Variants in MAP3K5 observed in about 807,000 individuals in gnomAD.
MAP3K5 encodes mitogen-activated protein kinase kinase kinase 5.
A neutral mutation model predicts 158.7 loss-of-function variants in MAP3K5; 56 were observed. The observed-to-expected ratio is 0.35, with a 90% CI of 0.28 to 0.44. The LOEUF is 0.44. Ranked by LOEUF, MAP3K5 falls within the 20% of genes least tolerant of loss-of-function variation. The pLI, the probability that MAP3K5 is intolerant of heterozygous loss-of-function variation, is 1.00. For missense variants in MAP3K5, 1,294 were observed against 1,674.8 expected (o/e 0.77, Z 3.97); for synonymous variants, 579 against 601.7 (o/e 0.96, Z 0.55).
chr6:136,731,933 TA>T (rs567523066), intron 1 of MAP3K5, among the ~76,000 whole-genome samples: 130 of 152,306 alleles, frequency 8.5e-4, no homozygotes, highest in African/African-American at 3.0e-3. Flanking sequence ...TAGAATGGTG[TA>T]CTTGAACATT....
intron 25 of MAP3K5, among the ~76,000 whole-genome samples, chr6:136,568,598 G>A (rs1380260337): frequency 6.6e-6 from 1 of 152,118 alleles, no homozygotes; most frequent in Non-Finnish European, 1.5e-5. Context: ...ATTGTGGCTG[G>A]GCACAGTGGC....
chr6:136,660,321 G>A (rs1368892278), intron 8 of MAP3K5, among the ~76,000 whole-genome samples: 1 of 152,142 alleles, frequency 6.6e-6, no homozygotes, highest in South Asian at 2.1e-4. Context: ...GAGGGCCGAG[G>A]TGGGAGGATT....
intron 23 of MAP3K5, among the ~76,000 whole-genome samples, chr6:136,587,750 C>T (rs1011408710): frequency 6.6e-5 from 10 of 152,220 alleles, no homozygotes; most frequent in Middle Eastern, 3.2e-3. Flanking sequence ...TCAGCAGTTT[C>T]GGGTACTCAC....
chr6:136,649,212 C>T (rs1317498459), intron 11 of MAP3K5, among the ~76,000 whole-genome samples: 1 of 152,088 alleles, frequency 6.6e-6, no homozygotes, highest in Non-Finnish European at 1.5e-5. Flanking sequence ...TCAAGTGATC[C>T]ACCCACCTTG....
intron 1 of MAP3K5, among the ~76,000 whole-genome samples, chr6:136,790,061 C>T (rs981945787): frequency 2.0e-5 from 3 of 152,110 alleles, no homozygotes; most frequent in African/African-American, 7.2e-5. Flanking sequence ...CCTATGAATC[C>T]TAGGGCCAGT....
At chr6:136,699,430 G>A (rs1249769007) in intron 3 of MAP3K5, among the ~76,000 whole-genome samples, 1 of 152,134 alleles carries the variant, frequency 6.6e-6, no homozygotes, top group Admixed American at 6.5e-5. Context: ...CTGTCCCTCA[G>A]ATCACTTCCC....
At chr6:136,678,725 T>C (rs1412697923) in intron 7 of MAP3K5, among the ~76,000 whole-genome samples, 1 of 151,958 alleles carries the variant, frequency 6.6e-6, no homozygotes, top group Non-Finnish European at 1.5e-5. Context: ...AGGGGGCAAA[T>C]AATTTTTTTT....
chr6:136,584,733 A>C (rs537067046), intron 23 of MAP3K5, among the ~76,000 whole-genome samples: 1 of 152,158 alleles, frequency 6.6e-6, no homozygotes, highest in Non-Finnish European at 1.5e-5. Flanking sequence ...ATGCACACCA[A>C]GCAGGTCAAC....
chr6:136,754,160 C>T (rs777199150), intron 1 of MAP3K5, among the ~76,000 whole-genome samples: 3 of 152,044 alleles, frequency 2.0e-5, no homozygotes, highest in Non-Finnish European at 2.9e-5. Flanking sequence ...GTAATCCCAG[C>T]TATTCAGGAG....
At chr6:136,625,387 T>C (rs755565396) in intron 14 of MAP3K5, among the ~76,000 whole-genome samples, 1 of 152,156 alleles carries the variant, frequency 6.6e-6, no homozygotes, top group African/African-American at 2.4e-5. Flanking sequence ...CAGGAGGGGA[T>C]AGGAAGTATG....
chr6:136,742,000 CTAAA>C (rs1782728459), intron 1 of MAP3K5, among the ~76,000 whole-genome samples: 1 of 152,040 alleles, frequency 6.6e-6, no homozygotes, highest in Non-Finnish European at 1.5e-5. Flanking sequence ...CAAAAAAGAA[CTAAA>C]TAAATTGAGA....
intron 2 of MAP3K5, among the ~76,000 whole-genome samples, chr6:136,707,270 A>C (rs1781117263): frequency 1.3e-5 from 2 of 152,262 alleles, no homozygotes; most frequent in Non-Finnish European, 2.9e-5. Flanking sequence ...GTATACGCAC[A>C]ATTGCTAAAA....
intron 1 of MAP3K5, among the ~76,000 whole-genome samples, chr6:136,749,331 C>T (rs1342477662): frequency 6.6e-6 from 1 of 150,566 alleles, no homozygotes; most frequent in Non-Finnish European, 1.5e-5. Context: ...CAAGATCATG[C>T]TACTGCACTC....
chr6:136,566,018 G>T (rs1163000757), intron 26 of MAP3K5, among the ~76,000 whole-genome samples: 2 of 152,304 alleles, frequency 1.3e-5, no homozygotes, highest in South Asian at 4.1e-4. Flanking sequence ...ATGGGCAGAT[G>T]TGAGAAGCAG....
chr6:136,671,754 C>A (rs896146144), intron 7 of MAP3K5, among the ~76,000 whole-genome samples: 1 of 152,038 alleles, frequency 6.6e-6, no homozygotes, highest in African/African-American at 2.4e-5. Flanking sequence ...GCTCGGATTA[C>A]AGGCATGCAC....
At chr6:136,754,582 CA>C (rs751465032) in intron 1 of MAP3K5, among the ~76,000 whole-genome samples, 77 of 97,590 alleles carry the variant, frequency 7.9e-4, no homozygotes, top group Admixed American at 8.8e-4. Context: ...AGACCGCTCT[CA>C]AAAAAAAAAA....
chr6:136,689,094 G>A (rs904472370), intron 7 of MAP3K5, among the ~76,000 whole-genome samples: 2 of 152,084 alleles, frequency 1.3e-5, no homozygotes, highest in East Asian at 1.9e-4. Flanking sequence ...GAGGCCAGGA[G>A]TTCAAGACCA....
intron 14 of MAP3K5, among the ~76,000 whole-genome samples, chr6:136,629,766 CATTTATTTATTTATTTATTTATTTATTT>C (rs56675510): frequency 6.8e-6 from 1 of 148,138 alleles, no homozygotes; most frequent in African/African-American, 2.5e-5. Flanking sequence ...ATCTCACCTT[CATTTATTTATTTATTTATTTATTTATTT>C]ATTTATTTAT....
chr6:136,630,668 T>C (rs972209818), intron 14 of MAP3K5, among the ~76,000 whole-genome samples: 2 of 152,216 alleles, frequency 1.3e-5, no homozygotes, highest in Admixed American at 6.5e-5. Context: ...CAAAACCTTA[T>C]CAAAACTTTC....
Sources: gnomAD v4.1 joint callset for allele counts (sites outside exome capture counted in the v4.1 genomes callset) on GRCh38, gnomAD v4.1.1 for gene constraint, MANE v1.5 for transcripts, NCBI Gene and HGNC (gene_info 2026-07-23, HGNC 2026-07-21) for gene names.